Variants in PEPD observed in about 807,000 individuals in gnomAD.
PEPD encodes peptidase D, also known as xaa-Pro dipeptidase.
A neutral mutation model predicts 60.7 loss-of-function variants in PEPD; 53 were observed. The ratio of observed to expected loss-of-function variants is 0.87; its 90% CI spans 0.70 to 1.10. The LOEUF (loss-of-function observed/expected upper bound fraction) is 1.10, where lower values mean the gene tolerates loss of function less well. Ranked by LOEUF, PEPD falls within the 50% of genes least tolerant of loss-of-function variation. The pLI is 0.00. For missense variants in PEPD, 711 were observed against 711.9 expected (o/e 1.00, Z 0.01); for synonymous variants, 267 against 284.1 (o/e 0.94, Z 0.60).
intron 9 of PEPD, among the ~76,000 whole-genome samples, chr19:33,453,675 A>G (rs1037919498): frequency 1.3e-5 from 2 of 152,266 alleles, no homozygotes; most frequent in African/African-American, 4.8e-5. Context: ...AAAATTTCCA[A>G]TATTTGCTTT....
chr19:33,389,838 G>T (rs1055413936), intron 13 of PEPD, among the ~76,000 whole-genome samples: 9 of 152,276 alleles, frequency 5.9e-5, no homozygotes, highest in African/African-American at 2.2e-4. Flanking sequence ...GCCCCTTCAG[G>T]GTGTTGGCTC....
chr19:33,505,699 ACACACACACCTG>A (rs1970787210), intron 3 of PEPD, among the ~76,000 whole-genome samples: 1 of 148,742 alleles, frequency 6.7e-6, no homozygotes, highest in African/African-American at 2.5e-5. Flanking sequence ...ACCCTACACA[ACACACACACCTG>A]CACACAACAC....
At chr19:33,391,131 G>A (rs1421265750) in intron 13 of PEPD, among the ~76,000 whole-genome samples, 164 bp downstream of exon 13, 3 of 152,100 alleles carry the variant, frequency 2.0e-5, no homozygotes, top group Non-Finnish European at 2.9e-5. Flanking sequence ...CCAGGGTCCC[G>A]ATTCCCCCCT....
chr19:33,467,795 A>G (rs965529267), intron 7 of PEPD, among the ~76,000 whole-genome samples: 4 of 152,204 alleles, frequency 2.6e-5, no homozygotes, highest in African/African-American at 9.6e-5. Context: ...TTTTAAACCA[A>G]GGGTACATAT....
intron 7 of PEPD, among the ~76,000 whole-genome samples, chr19:33,474,432 C>A (rs10421831): frequency 0.013 from 1,919 of 152,334 alleles, 47 homozygotes; most frequent in African/African-American, 0.044. Flanking sequence ...TAGCACAACA[C>A]CTTGTACACA....
At chr19:33,516,586 C>T (rs750419447) in intron 1 of PEPD, among the ~76,000 whole-genome samples, 24 of 152,134 alleles carry the variant, frequency 1.6e-4, no homozygotes, top group African/African-American at 5.8e-4. Flanking sequence ...TCTGTCTCCA[C>T]ACAACCCACA....
rs115713341 is a variant in PEPD, at chr19:33,468,679, C to T, written c.549-4617G>A. Among the ~76,000 whole-genome samples, 1,072 of 152,344 alleles carry T rather than the reference C, an allele frequency of 7.0e-3. 18 individuals carry two copies. Among genetic ancestry groups the T allele is most frequent in the African/African-American group, 0.025 (1,021 of 41,576 alleles). ...CAGCCAGCCATTTGTCACTGGGAAA[C>T]GAGGCGGGCACCCTGCAGCGCAGCG... On this transcript the variant is annotated intron_variant, in intron 7 of 14. Transcript: ENST00000244137.
intron 12 of PEPD, among the ~76,000 whole-genome samples, chr19:33,392,047 G>A (rs528796647): frequency 8.5e-5 from 13 of 152,344 alleles, no homozygotes; most frequent in Admixed American, 4.6e-4. Context: ...CTGCTGCAGG[G>A]AGCAAAGGTT....
intron 3 of PEPD, among the ~76,000 whole-genome samples, chr19:33,503,360 T>G (rs1331596989): frequency 6.6e-6 from 1 of 152,216 alleles, no homozygotes; most frequent in African/African-American, 2.4e-5. Context: ...ATCAAGCTCC[T>G]GCTGTTAATT....
At chr19:33,513,947 C>CCCTTTCCTACCCA (rs1970980691) in intron 1 of PEPD, among the ~76,000 whole-genome samples, 1 of 151,732 alleles carries the variant, frequency 6.6e-6, no homozygotes, top group Non-Finnish European at 1.5e-5. Context: ...CCACCCCATC[C>CCCTTTCCTACCCA]CCCAGCTCTC....
At chr19:33,411,600 G>A (rs1968774516) in intron 11 of PEPD, 72 bp downstream of exon 11, 1 of 830,100 alleles carries the variant, frequency 1.2e-6, no homozygotes, top group African/African-American at 1.7e-5. Flanking sequence ...AGGCTTCTGG[G>A]CCATCTTGAA....
chr19:33,509,482 C>A (rs1421178734), intron 3 of PEPD, among the ~76,000 whole-genome samples: 1 of 152,216 alleles, frequency 6.6e-6, no homozygotes, highest in African/African-American at 2.4e-5. Flanking sequence ...GCAGGAGCAG[C>A]ACACACCATG....
chr19:33,501,138 G>A (rs557736620), intron 3 of PEPD, 137 bp from the exon 4 acceptor site: 59 of 730,042 alleles, frequency 8.1e-5, no homozygotes, highest in South Asian at 2.6e-4. Flanking sequence ...CCCAGCACCC[G>A]GCACCGAACA....
chr19:33,391,755 C>T (rs1968227519), intron 12 of PEPD, among the ~76,000 whole-genome samples: 1 of 152,230 alleles, frequency 6.6e-6, no homozygotes, highest in Non-Finnish European at 1.5e-5. Context: ...TAGCCAAGGG[C>T]CCAGCCTGGG....
At chr19:33,512,545 C>T (rs1380825062) in intron 2 of PEPD, 48 bp downstream of exon 2, 1 of 1,575,556 alleles carries the variant, frequency 6.3e-7, no homozygotes, top group Non-Finnish European at 8.7e-7. Flanking sequence ...CTCAGGACAG[C>T]AGCACCATCA....
intron 9 of PEPD, among the ~76,000 whole-genome samples, chr19:33,425,255 C>A (rs1334236237): frequency 6.6e-6 from 1 of 152,066 alleles, no homozygotes; most frequent in Non-Finnish European, 1.5e-5. Flanking sequence ...CTGTAATGCG[C>A]CACTGCACTC....
At chr19:33,474,458 T>TGACA (rs1481573169) in intron 7 of PEPD, among the ~76,000 whole-genome samples, 2 of 152,146 alleles carry the variant, frequency 1.3e-5, no homozygotes, top group African/African-American at 4.8e-5. Context: ...TCTCAACAGG[T>TGACA]GACAGTCAGT....
At chr19:33,420,095 T>C (rs1265003226) in intron 9 of PEPD, among the ~76,000 whole-genome samples, 1 of 152,250 alleles carries the variant, frequency 6.6e-6, no homozygotes, top group African/African-American at 2.4e-5. Context: ...GGACATAACA[T>C]GACATTCAAT....
chr19:33,480,814 G>A (rs1028474726), intron 6 of PEPD, among the ~76,000 whole-genome samples: 34 of 42,974 alleles, frequency 7.9e-4, no homozygotes, highest in Non-Finnish European at 1.6e-3. Context: ...TATATATAGC[G>A]TGTGTGTGTG....
Sources: gnomAD v4.1 joint callset for allele counts (sites outside exome capture counted in the v4.1 genomes callset) on GRCh38, gnomAD v4.1.1 for gene constraint, MANE v1.5 for transcripts, NCBI Gene and HGNC (gene_info 2026-07-23, HGNC 2026-07-21) for gene names.